DCAF4: variants seen among roughly 807,000 people sequenced by gnomAD.
The protein encoded by DCAF4 is DDB1 and CUL4 associated factor 4.
A neutral mutation model predicts 60.9 loss-of-function variants in DCAF4; 37 were observed. That is an observed-to-expected ratio of 0.61 (90% CI 0.47 to 0.80). The LOEUF is 0.80. Among genes scored for constraint, DCAF4 ranks in the 30% least tolerant of loss-of-function variants. The probability of loss-of-function intolerance (pLI) is 0.00; values close to 1 mark genes in which losing one functional copy is unlikely to be tolerated. For synonymous variants in DCAF4, 243 were observed against 254.8 expected, an observed-to-expected ratio of 0.95 and a Z score of 0.44; for missense variants, 577 against 650.0, an observed-to-expected ratio of 0.89 and a Z score of 1.22.
chr14:72,947,813 A>G (rs1594777764), intron 8 of DCAF4, among the ~76,000 whole-genome samples: 1 of 152,072 alleles, frequency 6.6e-6, no homozygotes, highest in East Asian at 1.9e-4. Flanking sequence ...CACTCATCAC[A>G]CTAGTCTCTG....
chr14:72,955,125 AT>A (rs917704912), intron 11 of DCAF4, among the ~76,000 whole-genome samples: 3 of 151,904 alleles, frequency 2.0e-5, no homozygotes, highest in Non-Finnish European at 4.4e-5. Context: ...AAAAAAAAAA[AT>A]TGTGGTCATT....
Position 72,941,811 on chromosome 14 carries a change from A to G in DCAF4, c.418A>G (p.Thr140Ala). Residue 140 changes from threonine to alanine, a missense_variant, in exon 5 of 14, where the codon ACC becomes GCC. Transcript: ENST00000358377. ...AAGCCAGCTGGGTTTTCTCAACGTC[A>G]CCAATTACTGCCAGTAAGACAATGC... ...RKSQLGFLNV[T>A]NYCHLAHELR... 1.2e-6 allele frequency: 2 copies of G among 1,614,056 alleles called. No homozygotes were observed. Among genetic ancestry groups the G allele is most frequent in the Non-Finnish European group, 1.7e-6 (2 of 1,179,978 alleles).
Position 72,939,225 on chromosome 14 carries a change from A to G in DCAF4, c.93-577A>G, listed in dbSNP as rs1278810046. 2.0e-5 allele frequency among the ~76,000 whole-genome samples: 3 copies of G among 152,218 alleles called. No individual in the cohort carries two copies. In the East Asian group the frequency reaches 5.8e-4, roughly 30 times the overall value. Reference sequence around the variant, plus strand: ...AAAAATTATCTGGGTGTGGTGGCACACACCTTTACTACATCCTTCAGCCTA... The same window carrying G: ...AAAAATTATCTGGGTGTGGTGGCACGCACCTTTACTACATCCTTCAGCCTA... On this transcript the variant is annotated intron_variant, in intron 2 of 13. Coordinates refer to ENST00000358377, the MANE Select transcript of DCAF4 (RefSeq NM_015604.4).
intron 8 of DCAF4, among the ~76,000 whole-genome samples, chr14:72,951,297 A>G (rs1891372064): frequency 6.6e-6 from 1 of 151,922 alleles, no homozygotes; most frequent in African/African-American, 2.4e-5. Context: ...ACTATATCTG[A>G]TTTGTTTTTC....
intron 1 of DCAF4, among the ~76,000 whole-genome samples, chr14:72,928,064 G>A (rs1453164878): frequency 6.6e-6 from 1 of 151,814 alleles, no homozygotes; most frequent in Non-Finnish European, 1.5e-5. Context: ...GCCTCCCAAA[G>A]TGCTGGGATT....
intron 7 of DCAF4, among the ~76,000 whole-genome samples, chr14:72,946,565 G>C (rs1037037718): frequency 3.3e-5 from 5 of 152,184 alleles, no homozygotes; most frequent in African/African-American, 1.2e-4. Flanking sequence ...TCCAGGAGTT[G>C]ATCTGGAAGG....
chr14:72,955,991 T>C (rs2140311774), intron 12 of DCAF4, among the ~76,000 whole-genome samples: 1 of 141,910 alleles, frequency 7.0e-6, no homozygotes. Context: ...GGTACTATCT[T>C]GGCTTACTGC....
At chr14:72,957,482 C>T (rs1892459909) in intron 13 of DCAF4, 1 of 152,206 alleles carries the variant, frequency 6.6e-6, no homozygotes, top group South Asian at 2.1e-4. Flanking sequence ...GGGCTTATAC[C>T]CCATGGAACA....
rs1312339237 is a variant in DCAF4, at chr14:72,929,326, A to G, written c.-9+2783A>G. ...TGAGAGAGAGCCGACCTCCTCATGC[A>G]TGAACCTTTATAGAGGGTGGTCCAC... On this transcript the variant is annotated intron_variant, in intron 1 of 13. Coordinates refer to ENST00000358377, the MANE Select transcript of DCAF4 (RefSeq NM_015604.4). Among the ~76,000 whole-genome samples the G allele has an allele frequency of 7.2e-5, 11 of 152,222 alleles. No homozygotes were observed. The South Asian group carries it at 1.0e-3, about 14-fold the overall frequency.
intron 8 of DCAF4, among the ~76,000 whole-genome samples, chr14:72,950,756 G>C (rs761522771): frequency 1.3e-5 from 2 of 152,108 alleles, no homozygotes; most frequent in African/African-American, 2.4e-5. Flanking sequence ...ATTCAGATAA[G>C]CAGAAATTTT....
intron 8 of DCAF4, among the ~76,000 whole-genome samples, chr14:72,949,587 TCTA>T (rs538533227): frequency 4.3e-4 from 65 of 152,182 alleles, no homozygotes; most frequent in African/African-American, 1.5e-3. Flanking sequence ...AAACCCCATC[TCTA>T]CTAAAAATAC....
intron 7 of DCAF4, 106 bp from the exon 8 acceptor site, chr14:72,947,036 A>G: frequency 7.1e-7 from 1 of 1,405,698 alleles, no homozygotes; most frequent in Non-Finnish European, 1.0e-6. Context: ...GAAGAGGAGC[A>G]GGACGTGAAG....
chr14:72,934,839 A>G (rs1404795259), intron 1 of DCAF4, among the ~76,000 whole-genome samples: 1 of 152,180 alleles, frequency 6.6e-6, no homozygotes, highest in Non-Finnish European at 1.5e-5. Flanking sequence ...GGCGCTTTGT[A>G]AATGTGTGTG....
intron 1 of DCAF4, among the ~76,000 whole-genome samples, chr14:72,934,559 G>A (rs896519774): frequency 6.6e-6 from 1 of 152,110 alleles, no homozygotes; most frequent in African/African-American, 2.4e-5. Flanking sequence ...CAAAGTGCTG[G>A]GATTACAGGC....
In DCAF4 at chr14:72,958,924, T is replaced by C. The variant is rs1892645098; in HGVS notation, c.*119T>C. 9 of 1,412,276 alleles carry C rather than the reference T, an allele frequency of 6.4e-6. No individual in the cohort carries two copies. The South Asian group carries it at 1.3e-4, about 21-fold the overall frequency. The allele number at this position is 1,412,276 out of a possible 1,614,324, so 87.5% of individuals were successfully genotyped here. On this transcript the variant is annotated 3_prime_UTR_variant, in exon 14 of 14. Transcript: ENST00000358377. ...CTCAGTGTACACAGATCCCATCCTC[T>C]GGCTGCTAGGAGAGAAGTGCTGAAT...
At chr14:72,927,834 A>T (rs569924113) in intron 1 of DCAF4, among the ~76,000 whole-genome samples, 13 of 152,320 alleles carry the variant, frequency 8.5e-5, no homozygotes, top group African/African-American at 3.1e-4. Flanking sequence ...CGCCTGAAGT[A>T]TTTCTTAAAT....
intron 1 of DCAF4, among the ~76,000 whole-genome samples, chr14:72,932,092 G>A (rs369830006): frequency 1.3e-5 from 2 of 151,314 alleles, no homozygotes; most frequent in African/African-American, 2.4e-5. Flanking sequence ...AGGTTCAAGC[G>A]ATTCTCCTGC....
chr14:72,942,923 G>C, intron 5 of DCAF4, 71 bp from the exon 6 acceptor site: 6 of 1,444,678 alleles, frequency 4.2e-6, no homozygotes, highest in Non-Finnish European at 5.8e-6. Flanking sequence ...GGCAGGGAAG[G>C]CCAGAGACCC....
At chr14:72,952,388 T>C (rs932261524) in intron 9 of DCAF4, among the ~76,000 whole-genome samples, 22 of 152,166 alleles carry the variant, frequency 1.4e-4, no homozygotes, top group African/African-American at 5.1e-4. Flanking sequence ...TTGAATGGAA[T>C]GTTGAACCTC....
Sources: allele counts gnomAD v4.1 joint callset (sites outside exome capture counted in the v4.1 genomes callset), GRCh38; gene constraint gnomAD v4.1.1; transcripts MANE v1.5; gene names NCBI Gene and HGNC (gene_info 2026-07-23, HGNC 2026-07-21).